Variants in EXD2 observed in about 807,000 individuals in gnomAD.
The protein encoded by EXD2 is exonuclease 3'-5' domain-containing protein 2.
In EXD2, 40 loss-of-function variants were observed where a neutral mutation model predicts 62.5. That is an observed-to-expected ratio of 0.64 (90% CI 0.50 to 0.83). The LOEUF (loss-of-function observed/expected upper bound fraction) is 0.83, where lower values mean the gene tolerates loss of function less well. Ranked by LOEUF, EXD2 falls within the 40% of genes least tolerant of loss-of-function variation. The pLI is 0.00. For missense variants in EXD2, 671 were observed against 761.8 expected (o/e 0.88, Z 1.40); for synonymous variants, 239 against 291.9 (o/e 0.82, Z 1.85).
At chr14:69,201,678 T>G (rs955175281) in intron 1 of EXD2, among the ~76,000 whole-genome samples, 195 of 131,380 alleles carry the variant, frequency 1.5e-3, no homozygotes, top group Middle Eastern at 3.6e-3. Context: ...CTCTGTTTTT[T>G]TTTTTTTTTT....
rs1594791778 is a variant in EXD2, at chr14:69,242,727, G to A, written c.*1627G>A. ...AGCCCAGGAGTGGAGGAGAGCCGTGGAAATAGACAGGGAGAGGCTGGTACT... is the reference window on the plus strand; with the variant it reads ...AGCCCAGGAGTGGAGGAGAGCCGTGAAAATAGACAGGGAGAGGCTGGTACT... On this transcript the variant is annotated 3_prime_UTR_variant, in exon 10 of 10. Coordinates refer to ENST00000685843, the MANE Select transcript of EXD2 (RefSeq NM_001193360.2). 6.6e-6 allele frequency: 1 copy of A among 152,170 alleles called. No individual in the cohort carries two copies. Among genetic ancestry groups the A allele is most frequent in the African/African-American group, 2.4e-5 (1 of 41,448 alleles). The allele number at this position is 152,170 out of a possible 1,614,324, so 9.4% of individuals were successfully genotyped here.
intron 2 of EXD2, among the ~76,000 whole-genome samples, chr14:69,206,211 G>A (rs193264024): frequency 6.6e-6 from 1 of 152,112 alleles, no homozygotes; most frequent in East Asian, 1.9e-4. Flanking sequence ...GTGAGCCACT[G>A]CACCCAGCTG....
chr14:69,221,124 C>T (rs1312783665), intron 3 of EXD2, among the ~76,000 whole-genome samples: 1 of 152,192 alleles, frequency 6.6e-6, no homozygotes, highest in Non-Finnish European at 1.5e-5. Context: ...CTGCCTCAGC[C>T]TCCCAAAGTG....
At chr14:69,194,853 CAA>C (rs750002154) in intron 1 of EXD2, among the ~76,000 whole-genome samples, 1 of 152,158 alleles carries the variant, frequency 6.6e-6, no homozygotes, top group African/African-American at 2.4e-5. Context: ...ATTTAAAAAA[CAA>C]TATTTTTGGT....
At chr14:69,215,379 G>A (rs2042956655) in intron 3 of EXD2, among the ~76,000 whole-genome samples, 1 of 151,812 alleles carries the variant, frequency 6.6e-6, no homozygotes, top group Non-Finnish European at 1.5e-5. Flanking sequence ...GCAAAGAATG[G>A]TGCAATTGAA....
At chr14:69,198,744 T>G (rs940125205) in intron 1 of EXD2, among the ~76,000 whole-genome samples, 8 of 152,358 alleles carry the variant, frequency 5.3e-5, no homozygotes, top group Non-Finnish European at 1.0e-4. Context: ...TGTCATTTTG[T>G]GAACACGATA....
rs746653694 is a variant in EXD2 at position 69,213,537 on chromosome 14, ATTTT to A, written c.333+3751_333+3754del. The stretch of plus-strand genomic sequence containing the variant: ...AGGCATGTGCCACTGCACCTGGATA[ATTTT>A]TTTTTTTTTTTTTTTTGTAGAAATG... On this transcript the variant is annotated intron_variant, in intron 3 of 9. Coordinates refer to ENST00000685843, the MANE Select transcript of EXD2 (RefSeq NM_001193360.2). Among the ~76,000 whole-genome samples the A allele has an allele frequency of 2.1e-4, 16 of 76,506 alleles. No individual in the cohort carries two copies. The East Asian group carries it at 2.7e-3, about 13-fold the overall frequency. 50.2% of individuals were successfully genotyped at this position (76,506 alleles called of 152,430 possible).
chr14:69,213,537 A>ATTTTTTTTTTTT lies in EXD2; in HGVS notation c.333+3743_333+3754dup, dbSNP rs746653694. On this transcript the variant is annotated intron_variant, in intron 3 of 9. Coordinates refer to ENST00000685843, the MANE Select transcript of EXD2 (RefSeq NM_001193360.2). Reference sequence around the variant, plus strand: ...AGGCATGTGCCACTGCACCTGGATAATTTTTTTTTTTTTTTTTTTTGTAGA... The same window carrying ATTTTTTTTTTTT: ...AGGCATGTGCCACTGCACCTGGATAATTTTTTTTTTTTTTTTTTTTTTTTTTTTTTTTGTAGA... 7.8e-5 allele frequency among the ~76,000 whole-genome samples: 6 copies of ATTTTTTTTTTTT among 76,536 alleles called. 1 individual carries two copies. The East Asian group carries it at 1.6e-3, about 21-fold the overall frequency. 50.2% of individuals were successfully genotyped at this position (76,536 alleles called of 152,430 possible).
At chr14:69,233,482 A>C (rs548211592) in intron 5 of EXD2, among the ~76,000 whole-genome samples, 5 of 152,104 alleles carry the variant, frequency 3.3e-5, no homozygotes, top group African/African-American at 1.2e-4. Context: ...GCTGGAGTGC[A>C]GTGGTGCGAT....
intron 5 of EXD2, among the ~76,000 whole-genome samples, 175 bp from the exon 6 acceptor site, chr14:69,234,525 T>C (rs527311751): frequency 6.6e-6 from 1 of 152,322 alleles, no homozygotes; most frequent in South Asian, 2.1e-4. Context: ...CAATTTACTT[T>C]TGTGTAGTTT....
chr14:69,225,691 A>C (rs2043335075), intron 3 of EXD2, among the ~76,000 whole-genome samples: 1 of 152,234 alleles, frequency 6.6e-6, no homozygotes, highest in African/African-American at 2.4e-5. Context: ...AATGTTGATA[A>C]GCCAAGGGTT....
chr14:69,218,046 AC>A (rs1312518432), intron 3 of EXD2, among the ~76,000 whole-genome samples: 2 of 152,220 alleles, frequency 1.3e-5, no homozygotes, highest in African/African-American at 4.8e-5. Flanking sequence ...TTGGGTATAT[AC>A]CCAGTAATGG....
chr14:69,228,425 C>T (rs1231150203), intron 3 of EXD2, among the ~76,000 whole-genome samples: 7 of 152,146 alleles, frequency 4.6e-5, no homozygotes, highest in Admixed American at 2.0e-4. Flanking sequence ...CTCCTGACCT[C>T]AGGTGATCCG....
chr14:69,237,335 A>G (rs4899292), intron 8 of EXD2, among the ~76,000 whole-genome samples: 115,904 of 152,138 alleles, frequency 0.76, 45,590 homozygotes, highest in East Asian at 1. Context: ...ATGCTGGCCC[A>G]CCACTGAAGC....
At chr14:69,210,449 A>G (rs2042768401) in intron 3 of EXD2, among the ~76,000 whole-genome samples, 1 of 152,240 alleles carries the variant, frequency 6.6e-6, no homozygotes, top group Admixed American at 6.5e-5. Flanking sequence ...AGACCATGGC[A>G]ATAAAGCAAA....
At chr14:69,227,523 C>G (rs1380857488) in intron 3 of EXD2, among the ~76,000 whole-genome samples, 2 of 152,186 alleles carry the variant, frequency 1.3e-5, no homozygotes, top group Non-Finnish European at 2.9e-5. Flanking sequence ...TAGCTTTCAG[C>G]ATTTTTTCAA....
At position 69,234,914 on chromosome 14, in the gene EXD2, C is replaced by A; in HGVS notation, c.932C>A (p.Ser311Tyr). The change falls in exon 6 of 10, where the codon TCT becomes TAT. Residue 311 changes from serine (S) to tyrosine (Y), a missense_variant. Transcript: ENST00000685843. ...GAGGTTAATGGGGAAGCAACAGAAT[C>A]TCAGCAGAAGCCAAGAAATAAGAAG... is the stretch of plus-strand genomic sequence containing the variant. ...GEEVNGEATE[S>Y]QQKPRNKKSK... The A allele has an allele frequency of 6.2e-7, 1 of 1,614,112 alleles. No individual in the cohort carries two copies. Among genetic ancestry groups the A allele is most frequent in the South Asian group, 1.1e-5 (1 of 91,052 alleles).
Position 69,230,521 on chromosome 14 carries a change from G to T in EXD2, c.640G>T (p.Val214Phe). The change falls in exon 5 of 10, where the codon GTT (valine) becomes TTT (phenylalanine). Residue 214 changes from valine to phenylalanine, a missense_variant. Transcript: ENST00000685843. ...GLSLKSLAET[V>F]LNFPLDKSLL... ...TAGCCTGAAGTCCCTCGCTGAGACT[G>T]TTTTGAACTTTCCCCTTGACAAGTC... 6.2e-7 allele frequency: 1 copy of T among 1,613,976 alleles called. No homozygotes were observed. Among genetic ancestry groups the T allele is most frequent in the Middle Eastern group, 1.7e-4 (1 of 6,060 alleles).
At chr14:69,199,599 A>AT (rs60683799) in intron 1 of EXD2, among the ~76,000 whole-genome samples, 19,002 of 148,420 alleles carry the variant, frequency 0.13, 1,283 homozygotes, top group Middle Eastern at 0.21. Context: ...TCAACTTAAA[A>AT]TTTTTTTTTT....
Sources: allele counts gnomAD v4.1 joint callset (sites outside exome capture counted in the v4.1 genomes callset), GRCh38; gene constraint gnomAD v4.1.1; transcripts MANE v1.5; gene names NCBI Gene and HGNC (gene_info 2026-07-23, HGNC 2026-07-21).